Variants in PTPN21 observed in about 807,000 individuals in gnomAD.
PTPN21 encodes tyrosine-protein phosphatase non-receptor type 21.
Under a neutral mutation model 131.8 loss-of-function variants are expected in PTPN21, and 77 were observed. The observed-to-expected ratio is 0.58, with a 90% CI of 0.49 to 0.71. The LOEUF is 0.71. Among genes scored for constraint, PTPN21 ranks in the 30% least tolerant of loss-of-function variants. PTPN21 has a pLI of 0.00. For synonymous variants in PTPN21, 715 were observed against 621.3 expected (o/e 1.15, Z -2.24); for missense variants, 1,552 against 1,527.1 (o/e 1.02, Z -0.27).
Position 88,479,836 on chromosome 14 carries a change from G to C in PTPN21, c.1595C>G (p.Pro532Arg), listed in dbSNP as rs1306815238. Residue 532 changes from proline (P) to arginine (R), a missense_variant, in exon 13 of 19, where the codon CCC becomes CGC. By Grantham distance (103) the Pro-to-Arg change is moderately radical. Transcript: ENST00000556564. ...SPYPYPAERRPVVGAVSVPEL... is the reference protein window; with the variant it reads ...SPYPYPAERRRVVGAVSVPEL... ...CGGCACGCTGACCGCGCCCACCACG[G>C]GCCGCCGCTCGGCAGGGTAGGGGTA... 1 of 1,552,098 alleles carries C rather than the reference G, an allele frequency of 6.4e-7. No individual in the cohort carries two copies. Among genetic ancestry groups the C allele is most frequent in the Non-Finnish European group, 8.7e-7 (1 of 1,154,222 alleles).
At chr14:88,516,802 A>G (rs1256919981) in intron 3 of PTPN21, among the ~76,000 whole-genome samples, 1 of 152,228 alleles carries the variant, frequency 6.6e-6, no homozygotes, top group Non-Finnish European at 1.5e-5. Context: ...ATCAGAAACA[A>G]AACAACAAAA....
At chr14:88,485,901 A>G in intron 10 of PTPN21, 59 bp from the exon 11 acceptor site, 1 of 1,036,478 alleles carries the variant, frequency 9.6e-7, no homozygotes. Context: ...AATTCTACCA[A>G]AACAAGATAT....
intron 5 of PTPN21, 67 bp from the exon 6 acceptor site, chr14:88,504,562 A>G: frequency 7.6e-7 from 1 of 1,324,202 alleles, no homozygotes; most frequent in South Asian, 1.2e-5. Flanking sequence ...AATCATGGCC[A>G]TTGACTGTTA....
At chr14:88,532,792 A>G (rs2078572679) in intron 2 of PTPN21, among the ~76,000 whole-genome samples, 1 of 152,240 alleles carries the variant, frequency 6.6e-6, no homozygotes. Flanking sequence ...TACATAACAA[A>G]CAAAAACCCC....
chr14:88,544,867 G>A (rs931671076), intron 2 of PTPN21, among the ~76,000 whole-genome samples: 2 of 151,608 alleles, frequency 1.3e-5, no homozygotes, highest in Non-Finnish European at 2.9e-5. Flanking sequence ...TCACTCTGTC[G>A]CCCAGGCTGG....
chr14:88,492,175 T>C (rs545849535), intron 10 of PTPN21, among the ~76,000 whole-genome samples: 2 of 152,346 alleles, frequency 1.3e-5, no homozygotes, highest in South Asian at 4.1e-4. Context: ...AGAAACAAAC[T>C]GAGGTAATAA....
intron 12 of PTPN21, among the ~76,000 whole-genome samples, chr14:88,480,715 G>A (rs1566815496): frequency 1.3e-5 from 2 of 152,190 alleles, no homozygotes; most frequent in Non-Finnish European, 2.9e-5. Context: ...CCTGGGTAGG[G>A]ATGTGGCCTT....
At chr14:88,490,086 G>A (rs1394348734) in intron 10 of PTPN21, among the ~76,000 whole-genome samples, 1 of 151,120 alleles carries the variant, frequency 6.6e-6, no homozygotes, top group Non-Finnish European at 1.5e-5. Context: ...CTGGCTCACT[G>A]CAACCTCCAC....
At position 88,479,040 on chromosome 14, in the gene PTPN21, C is replaced by G; in HGVS notation, c.2391G>C (p.Ser797=). The G allele has an allele frequency of 6.2e-7, 1 of 1,607,256 alleles. No individual in the cohort carries two copies. Residue 797 remains serine (S), a synonymous_variant, in exon 13 of 19, where the codon TCG becomes TCC. Coordinates refer to ENST00000556564, the MANE Select transcript of PTPN21 (RefSeq NM_007039.4). ...WRDGLLMPSM[S]ESDLTTSGRY... is the part of the protein sequence containing the mutation. ...GGCCTGACGTGGTGAGGTCGGACTC[C>G]GACATGGAGGGCATCAGCAGCCCGT...
intron 4 of PTPN21, among the ~76,000 whole-genome samples, chr14:88,507,715 G>C (rs2078113673): frequency 6.6e-6 from 1 of 152,060 alleles, no homozygotes; most frequent in African/African-American, 2.4e-5. Flanking sequence ...CCTATAACAT[G>C]ATTAACTTCC....
At chr14:88,511,154 G>T (rs773100144) in intron 3 of PTPN21, among the ~76,000 whole-genome samples, 3 of 151,928 alleles carry the variant, frequency 2.0e-5, no homozygotes, top group African/African-American at 7.3e-5. Flanking sequence ...GAGCTCAAGC[G>T]ATCCTCCCAC....
intron 13 of PTPN21, 134 bp from the exon 14 acceptor site, chr14:88,473,936 C>T: frequency 1.5e-6 from 1 of 666,136 alleles, no homozygotes; most frequent in South Asian, 2.2e-5. Flanking sequence ...AAAGATTACA[C>T]TCCTTCACAC....
intron 10 of PTPN21, among the ~76,000 whole-genome samples, chr14:88,494,507 A>G (rs77306894): frequency 0.22 from 33,891 of 151,792 alleles, 4,003 homozygotes; most frequent in East Asian, 0.31. Context: ...GCCTCTATAA[A>G]AAACACCAAA....
At chr14:88,492,580 G>C (rs1445774404) in intron 10 of PTPN21, among the ~76,000 whole-genome samples, 1 of 152,130 alleles carries the variant, frequency 6.6e-6, no homozygotes, top group Non-Finnish European at 1.5e-5. Flanking sequence ...CAAACCACTG[G>C]CCAGCTCCCC....
At chr14:88,530,090 C>T (rs2078533774) in intron 2 of PTPN21, among the ~76,000 whole-genome samples, 1 of 152,046 alleles carries the variant, frequency 6.6e-6, no homozygotes, top group Admixed American at 6.6e-5. Flanking sequence ...TCAGCAGAAA[C>T]TCTACAAGCC....
chr14:88,544,092 C>G (rs1276858956), intron 2 of PTPN21, among the ~76,000 whole-genome samples: 2 of 152,184 alleles, frequency 1.3e-5, no homozygotes, highest in Non-Finnish European at 2.9e-5. Flanking sequence ...TGCCTGCAAT[C>G]CCAGCACTTT....
intron 2 of PTPN21, chr14:88,547,706 T>C: frequency 4.4e-6 from 2 of 453,572 alleles, no homozygotes; most frequent in Non-Finnish European, 8.8e-6. Flanking sequence ...CCTGCTGTTC[T>C]GGTTTTCTTT....
intron 3 of PTPN21, among the ~76,000 whole-genome samples, chr14:88,514,455 T>C (rs573472253): frequency 2.6e-4 from 40 of 151,668 alleles, no homozygotes; most frequent in African/African-American, 9.7e-4. Flanking sequence ...TTCTCCCCCT[T>C]TGTTTTCTTT....
At chr14:88,489,481 C>CT (rs952957223) in intron 10 of PTPN21, among the ~76,000 whole-genome samples, 12 of 151,132 alleles carry the variant, frequency 7.9e-5, no homozygotes, top group African/African-American at 2.9e-4. Context: ...CTCTAAAAAA[C>CT]TAAAAAAAAA....
Sources: gnomAD v4.1 joint callset for allele counts (sites outside exome capture counted in the v4.1 genomes callset) on GRCh38, gnomAD v4.1.1 for gene constraint, MANE v1.5 for transcripts, NCBI Gene and HGNC (gene_info 2026-07-23, HGNC 2026-07-21) for gene names.